Variants in FGF12 observed in about 807,000 individuals in gnomAD.
FGF12 encodes the protein fibroblast growth factor 12, also known as fibroblast growth factor 12B.
A neutral mutation model predicts 23.6 loss-of-function variants in FGF12; 14 were observed. The ratio of observed to expected loss-of-function variants is 0.59; its 90% CI spans 0.39 to 0.93. FGF12 has a LOEUF of 0.93. Among genes scored for constraint, FGF12 ranks in the 40% least tolerant of loss-of-function variants. FGF12 has a pLI of 0.00. For missense variants in FGF12, 175 were observed against 217.8 expected (o/e 0.80, Z 1.24); for synonymous variants, 62 against 77.3 (o/e 0.80, Z 1.04).
At chr3:192,579,771 T>A (rs1358592302) in intron 2 of FGF12, among the ~76,000 whole-genome samples, 2 of 152,180 alleles carry the variant, frequency 1.3e-5, no homozygotes, top group African/African-American at 4.8e-5. Flanking sequence ...GTTTTCTCCA[T>A]GTTGCCCAGG....
chr3:192,203,087 T>A (rs1717456172), intron 4 of FGF12, among the ~76,000 whole-genome samples: 1 of 152,072 alleles, frequency 6.6e-6, no homozygotes, highest in Non-Finnish European at 1.5e-5. Flanking sequence ...CTAGTCAAAG[T>A]ATTGTTTAGA....
intron 4 of FGF12, among the ~76,000 whole-genome samples, chr3:192,296,322 C>G (rs950392863): frequency 5.3e-5 from 8 of 151,620 alleles, no homozygotes; most frequent in African/African-American, 1.9e-4. Context: ...CTCCCAGGCT[C>G]AAGTGGTCCC....
At chr3:192,567,735 C>CTTTCTT (rs999075869) in intron 2 of FGF12, among the ~76,000 whole-genome samples, 3 of 125,952 alleles carry the variant, frequency 2.4e-5, no homozygotes, top group Admixed American at 1.6e-4. Flanking sequence ...CTCCATGTGT[C>CTTTCTT]TCTTTCTTTC....
chr3:192,501,139 A>G, intron 2 of FGF12, among the ~76,000 whole-genome samples: 1 of 152,220 alleles, frequency 6.6e-6, no homozygotes, highest in East Asian at 1.9e-4. Flanking sequence ...AAACCATTAC[A>G]TATATGTTAA....
intron 4 of FGF12, among the ~76,000 whole-genome samples, chr3:192,270,786 GGGAAGGAAGGAAGGAA>G (rs57509999): frequency 2.0e-5 from 3 of 149,914 alleles, no homozygotes; most frequent in African/African-American, 2.5e-5. Flanking sequence ...GAAGAAAAGT[GGGAAGGAAGGAAGGAA>G]GGAAGGAAGG....
intron 5 of FGF12, among the ~76,000 whole-genome samples, chr3:192,159,637 T>C (rs1714750773): frequency 6.6e-6 from 1 of 152,192 alleles, no homozygotes; most frequent in South Asian, 2.1e-4. Context: ...CCAAACAAGA[T>C]AGTCTCCCCA....
chr3:192,162,847 T>C (rs190004230), intron 5 of FGF12, among the ~76,000 whole-genome samples: 1 of 152,286 alleles, frequency 6.6e-6, no homozygotes, highest in East Asian at 1.9e-4. Context: ...GTTATTTTCC[T>C]TCCAGATTCC....
intron 2 of FGF12, among the ~76,000 whole-genome samples, chr3:192,433,609 T>G (rs1721928629): frequency 6.6e-6 from 1 of 152,228 alleles, no homozygotes; most frequent in Non-Finnish European, 1.5e-5. Flanking sequence ...TCACCTCCAA[T>G]GTGACTAACT....
At chr3:192,182,585 G>A (rs1716239919) in intron 4 of FGF12, among the ~76,000 whole-genome samples, 1 of 152,124 alleles carries the variant, frequency 6.6e-6, no homozygotes, top group East Asian at 1.9e-4. Context: ...AGGAGGGAAT[G>A]AGAATAAATA....
chr3:192,201,003 G>T (rs572716996), intron 4 of FGF12, among the ~76,000 whole-genome samples: 50 of 152,186 alleles, frequency 3.3e-4, no homozygotes, highest in Admixed American at 1.9e-3. Flanking sequence ...TAAAAGCACA[G>T]AAAGTTTTCA....
chr3:192,229,985 A>G (rs896222339), intron 4 of FGF12, among the ~76,000 whole-genome samples: 2 of 152,114 alleles, frequency 1.3e-5, no homozygotes, highest in African/African-American at 4.8e-5. Flanking sequence ...GTAAACTTTA[A>G]AGTGTAATGC....
At chr3:192,674,192 A>G (rs925747855) in intron 2 of FGF12, among the ~76,000 whole-genome samples, 1 of 138,606 alleles carries the variant, frequency 7.2e-6, no homozygotes, top group African/African-American at 2.5e-5. Context: ...ATTATGTACC[A>G]TAGACTTGGG....
intron 4 of FGF12, among the ~76,000 whole-genome samples, chr3:192,220,997 T>A (rs1008811714): frequency 3.0e-4 from 46 of 152,248 alleles, no homozygotes; most frequent in Middle Eastern, 3.4e-3. Flanking sequence ...ACCATCTGAA[T>A]GACAAAGAGG....
At chr3:192,374,945 T>C (rs1165971206) in intron 2 of FGF12, among the ~76,000 whole-genome samples, 1 of 152,198 alleles carries the variant, frequency 6.6e-6, no homozygotes, top group Non-Finnish European at 1.5e-5. Context: ...TCTCTTTAAT[T>C]CCATTCCATT....
At chr3:192,711,482 G>A (rs1028437135) in intron 2 of FGF12, among the ~76,000 whole-genome samples, 1 of 152,104 alleles carries the variant, frequency 6.6e-6, no homozygotes, top group South Asian at 2.1e-4. Flanking sequence ...CCATGATGAA[G>A]ATGGCGGTTT....
At chr3:192,378,022 TTTCTTTTC>T (rs1719603524) in intron 2 of FGF12, among the ~76,000 whole-genome samples, 2 of 70,720 alleles carry the variant, frequency 2.8e-5, no homozygotes, top group Non-Finnish European at 5.1e-5. Flanking sequence ...CTTCTGACTC[TTTCTTTTC>T]TTTCTTTCTT....
At chr3:192,245,501 G>C (rs531019367) in intron 4 of FGF12, among the ~76,000 whole-genome samples, 1 of 152,166 alleles carries the variant, frequency 6.6e-6, no homozygotes, top group East Asian at 1.9e-4. Flanking sequence ...CTACATGTGA[G>C]CATCAGAAAT....
intron 4 of FGF12, among the ~76,000 whole-genome samples, chr3:192,253,307 A>G (rs192331724): frequency 1.3e-5 from 2 of 152,222 alleles, no homozygotes; most frequent in Admixed American, 6.5e-5. Context: ...AACTAATCCT[A>G]TTAAAGAAAA....
intron 2 of FGF12, among the ~76,000 whole-genome samples, chr3:192,550,623 A>G (rs1011990719): frequency 3.3e-5 from 5 of 151,970 alleles, no homozygotes; most frequent in African/African-American, 1.2e-4. Context: ...AGAAAATTAC[A>G]TAGGTAGGGT....
Sources: gnomAD v4.1 joint callset for allele counts (sites outside exome capture counted in the v4.1 genomes callset) on GRCh38, gnomAD v4.1.1 for gene constraint, MANE v1.5 for transcripts, NCBI Gene and HGNC (gene_info 2026-07-23, HGNC 2026-07-21) for gene names.